Variants in PRKDC observed in about 807,000 individuals in gnomAD.
PRKDC encodes the protein DNA-dependent protein kinase catalytic subunit.
A neutral mutation model predicts 486.9 loss-of-function variants in PRKDC; 82 were observed. The observed-to-expected ratio is 0.17, with a 90% CI of 0.14 to 0.20. The LOEUF is 0.20. Ranked by LOEUF, PRKDC falls within the 10% of genes least tolerant of loss-of-function variation. The probability of loss-of-function intolerance (pLI) is 1.00; values close to 1 mark genes in which losing one functional copy is unlikely to be tolerated. For synonymous variants in PRKDC, 1,895 were observed against 1,837.0 expected (o/e 1.03, Z -0.81); for missense variants, 4,504 against 5,038.2 (o/e 0.89, Z 3.21).
At chr8:47,932,992 A>G in intron 16 of PRKDC, 28 bp downstream of exon 16, 1 of 1,546,920 alleles carries the variant, frequency 6.5e-7, no homozygotes. Flanking sequence ...AAAATGATGA[A>G]AAATTACTAC....
At chr8:47,809,870 T>G (rs1006947646) in intron 68 of PRKDC, among the ~76,000 whole-genome samples, 2 of 151,042 alleles carry the variant, frequency 1.3e-5, no homozygotes, top group Non-Finnish European at 3.0e-5. Flanking sequence ...TCTGTCTTAC[T>G]CTCTTTTGCC....
At position 47,953,587 on chromosome 8, in the gene PRKDC, G is replaced by T. The variant is rs1184273416; in HGVS notation, c.721+33C>A. 4.5e-6 allele frequency: 7 copies of T among 1,562,410 alleles called. No homozygotes were observed. The Admixed American group carries it at 5.3e-5, about 12-fold the overall frequency. On this transcript the variant is annotated intron_variant, in intron 7 of 85. Transcript: ENST00000314191. ...ATTGCTGGTTAGACTTACAGTTTTTGAATAAAGAAAATCAAGTGAAGCCAA... is the reference window on the plus strand; with the variant it reads ...ATTGCTGGTTAGACTTACAGTTTTTTAATAAAGAAAATCAAGTGAAGCCAA...
intron 67 of PRKDC, among the ~76,000 whole-genome samples, chr8:47,818,297 T>G (rs1037944188): frequency 1.3e-5 from 2 of 152,138 alleles, no homozygotes; most frequent in East Asian, 3.9e-4. Flanking sequence ...CTAGGTAATA[T>G]TGGCCAGGCA....
chr8:47,820,282 T>C (rs776566832), intron 66 of PRKDC, among the ~76,000 whole-genome samples: 1 of 151,988 alleles, frequency 6.6e-6, no homozygotes, highest in Non-Finnish European at 1.5e-5. Context: ...GGGCCTGTAA[T>C]CCCAGCTACC....
chr8:47,867,817 G>A (rs941768195), intron 40 of PRKDC, among the ~76,000 whole-genome samples: 7 of 152,070 alleles, frequency 4.6e-5, no homozygotes, highest in African/African-American at 1.7e-4. Context: ...CCAATCTCAG[G>A]AGGAAGCATG....
Position 47,785,180 on chromosome 8 carries a change from C to A in PRKDC, c.11040G>T (p.Leu3680=). The change falls in exon 77 of 86, where the codon CTG becomes CTT. Residue 3680 remains leucine (L), a synonymous_variant. Transcript: ENST00000314191. The stretch of plus-strand genomic sequence containing the variant: ...CGCTCATCCAGGGTGAACATTCTTT[C>A]AGATTCCCAGGGGGCTTTGAGTCTT... The part of the protein sequence containing the change: ...MNKDSKPPGN[L]KECSPWMSDF... 3.7e-6 allele frequency: 6 copies of A among 1,613,950 alleles called. No individual in the cohort carries two copies. The highest frequency in any genetic ancestry group is 5.1e-6 in the Non-Finnish European group (6 of 1,179,886).
rs549266966 is a variant in PRKDC at position 47,948,465 on chromosome 8, T to G, written c.722-4436A>C. 5.3e-5 allele frequency among the ~76,000 whole-genome samples: 8 copies of G among 150,072 alleles called. No individual in the cohort carries two copies. In the South Asian group the frequency reaches 1.3e-3, roughly 24 times the overall value. The stretch of plus-strand genomic sequence containing the variant: ...CTGTATTTCCTGGGTGCCTTGTTTT[T>G]TTTTTTTTTTTGAGACAGAGTTTTG... On this transcript the variant is annotated intron_variant, in intron 7 of 85. Transcript: ENST00000314191.
chr8:47,955,411 G>A (rs1279751625), intron 4 of PRKDC, among the ~76,000 whole-genome samples: 3 of 129,986 alleles, frequency 2.3e-5, no homozygotes, highest in East Asian at 2.3e-4. Flanking sequence ...GCAGTGAGCC[G>A]AGATCCCGCC....
intron 42 of PRKDC, among the ~76,000 whole-genome samples, chr8:47,863,049 C>T (rs1054722541): frequency 6.6e-6 from 1 of 152,146 alleles, no homozygotes; most frequent in South Asian, 2.1e-4. Flanking sequence ...ATTTACTATG[C>T]CTTTAATTTC....
Position 47,836,441 on chromosome 8 carries a change from G to A in PRKDC, c.7848C>T (p.Leu2616=). 1 of 1,612,990 alleles carries A rather than the reference G, an allele frequency of 6.2e-7. No homozygotes were observed. ...GGGACCCTTCCTGGGTACGGGTCTG[G>A]AGAGTGCCCTGGGAGGCCTGGGTCT... is the stretch of plus-strand genomic sequence containing the variant. ...FVETQASQGT[L]QTRTQEGSLS... The change falls in exon 58 of 86, where the codon CTC becomes CTT. Residue 2616 remains leucine (L), a synonymous_variant. Coordinates refer to ENST00000314191, the MANE Select transcript of PRKDC (RefSeq NM_006904.7).
chr8:47,888,909 T>G, intron 33 of PRKDC, 105 bp downstream of exon 33: 2 of 1,235,442 alleles, frequency 1.6e-6, no homozygotes, highest in Non-Finnish European at 2.3e-6. Flanking sequence ...ATCCCACTGA[T>G]ATAAGCCTTC....
At chr8:47,927,685 C>T (rs2090176359) in intron 20 of PRKDC, 86 bp downstream of exon 20, 6 of 1,388,232 alleles carry the variant, frequency 4.3e-6, no homozygotes, top group Non-Finnish European at 5.6e-6. Flanking sequence ...CCTGCTGGGA[C>T]TGCCAGGGCA....
At position 47,882,005 on chromosome 8, in the gene PRKDC, C is replaced by A; in HGVS notation, c.4869G>T (p.Leu1623=). The A allele has an allele frequency of 1.2e-6, 2 of 1,614,012 alleles. No homozygotes were observed. The highest frequency in any genetic ancestry group is 8.5e-7 in the Non-Finnish European group (1 of 1,179,880). ...HQGLKLATTI[L]QHWKKCDSWW... ...ATGAATCACACTTCTTCCAGTGTTG[C>A]AGAATTGTAGTCGCAAGTTTCAGTC... The change falls in exon 37 of 86, where the codon CTG becomes CTT. Residue 1623 remains leucine, a synonymous_variant. Coordinates refer to ENST00000314191, the MANE Select transcript of PRKDC (RefSeq NM_006904.7).
intron 25 of PRKDC, among the ~76,000 whole-genome samples, chr8:47,908,812 T>TA (rs1362700314): frequency 6.6e-6 from 1 of 152,240 alleles, no homozygotes; most frequent in African/African-American, 2.4e-5. Flanking sequence ...ACAGATATGC[T>TA]ATGTGGTCAT....
intron 49 of PRKDC, among the ~76,000 whole-genome samples, chr8:47,856,132 A>G (rs1267731722): frequency 6.6e-6 from 1 of 152,214 alleles, no homozygotes; most frequent in Non-Finnish European, 1.5e-5. Context: ...ACTAAGACAA[A>G]GAAATCTAAA....
intron 61 of PRKDC, 87 bp downstream of exon 61, chr8:47,830,518 C>A: frequency 6.5e-7 from 1 of 1,537,226 alleles, no homozygotes; most frequent in Non-Finnish European, 8.9e-7. Flanking sequence ...GCAGGACAGC[C>A]TCAGCCATGT....
chr8:47,924,419 G>A (rs1357443885), intron 21 of PRKDC, among the ~76,000 whole-genome samples: 1 of 152,038 alleles, frequency 6.6e-6, no homozygotes, highest in Non-Finnish European at 1.5e-5. Flanking sequence ...AATTAGCTGG[G>A]CGTGGTGGTG....
Position 47,799,398 on chromosome 8 carries a change from TCA to T in PRKDC, c.10117-10_10117-9del. 2.0e-6 allele frequency: 3 copies of T among 1,533,558 alleles called. No homozygotes were observed. The highest frequency in any genetic ancestry group is 2.6e-6 in the Non-Finnish European group (3 of 1,145,618). The allele number at this position is 1,533,558 out of a possible 1,614,324, so 95.0% of individuals were successfully genotyped here. On this transcript the variant is annotated splice_polypyrimidine_tract_variant and intron_variant, in intron 71 of 85. Transcript: ENST00000314191. ...GTACAGACCCGCGATCACCTGGAATTCACAGAGACCTAAACCCATGAGCATGA... is the reference window on the plus strand; with the variant it reads ...GTACAGACCCGCGATCACCTGGAATTCAGAGACCTAAACCCATGAGCATGA...
At position 47,837,200 on chromosome 8, in the gene PRKDC, A is replaced by G. The variant is rs1250382656; in HGVS notation, c.7761+12T>C. ...ATAATATTCACTACTATGAGAGAGAAGACCACATTACCTGAAATTCGCATT... is the reference window on the plus strand; with the variant it reads ...ATAATATTCACTACTATGAGAGAGAGGACCACATTACCTGAAATTCGCATT... On this transcript the variant is annotated intron_variant, in intron 57 of 85. Transcript: ENST00000314191. 6.2e-7 allele frequency: 1 copy of G among 1,603,704 alleles called. No individual in the cohort carries two copies. Among genetic ancestry groups the G allele is most frequent in the Non-Finnish European group, 8.5e-7 (1 of 1,171,468 alleles).
Sources: allele counts gnomAD v4.1 joint callset (sites outside exome capture counted in the v4.1 genomes callset), GRCh38; gene constraint gnomAD v4.1.1; transcripts MANE v1.5; gene names NCBI Gene and HGNC (gene_info 2026-07-23, HGNC 2026-07-21).